The following PPFIA2 variants were observed in gnomAD, a reference collection of about 807,000 sequenced individuals.
PPFIA2 encodes the protein PPFI scaffold protein A2.
In PPFIA2, 46 loss-of-function variants were observed where a neutral mutation model predicts 175.5. The observed-to-expected ratio is 0.26, with a 90% CI of 0.21 to 0.34. PPFIA2 has a LOEUF of 0.34. PPFIA2 is among the 10% of genes least tolerant of loss of function. PPFIA2 has a pLI of 1.00. For missense variants in PPFIA2, 1,179 were observed against 1,506.1 expected, an observed-to-expected ratio of 0.78 and a Z score of 3.60; for synonymous variants, 568 against 511.4, an observed-to-expected ratio of 1.11 and a Z score of -1.49.
In PPFIA2 at chr12:81,604,204, A is replaced by G. The variant is rs560978059; in HGVS notation, c.303+72587T>C. On this transcript the variant is annotated intron_variant, in intron 4 of 32. Coordinates refer to ENST00000549396, the MANE Select transcript of PPFIA2 (RefSeq NM_003625.5). Reference sequence around the variant, plus strand: ...GTGACCATGGCAAAAGCAGGAGGTTAAAGGATTTCCAAAAAGAGAATCAAT... The same window carrying G: ...GTGACCATGGCAAAAGCAGGAGGTTGAAGGATTTCCAAAAAGAGAATCAAT... Among the ~76,000 whole-genome samples, 20 of 151,930 alleles carry G rather than the reference A, an allele frequency of 1.3e-4. No individual in the cohort carries two copies. In the South Asian group the frequency reaches 4.1e-3, roughly 31 times the overall value.
At chr12:81,536,317 T>G (rs1415578193) in intron 4 of PPFIA2, among the ~76,000 whole-genome samples, 1 of 151,698 alleles carries the variant, frequency 6.6e-6, no homozygotes, top group Non-Finnish European at 1.5e-5. Flanking sequence ...AACATACTCA[T>G]AAATACTTAA....
At chr12:81,352,562 G>A (rs574724419) in intron 17 of PPFIA2, among the ~76,000 whole-genome samples, 2 of 151,820 alleles carry the variant, frequency 1.3e-5, no homozygotes, top group South Asian at 2.1e-4. Context: ...GGACCTTCCA[G>A]CCTCTAAAAC....
At chr12:81,485,867 T>G (rs911034024) in intron 4 of PPFIA2, among the ~76,000 whole-genome samples, 5 of 151,854 alleles carry the variant, frequency 3.3e-5, no homozygotes, top group African/African-American at 4.8e-5. Flanking sequence ...GACATAATTT[T>G]TGGAACTAAA....
At chr12:81,570,743 T>C (rs2072376881) in intron 4 of PPFIA2, among the ~76,000 whole-genome samples, 1 of 149,284 alleles carries the variant, frequency 6.7e-6, no homozygotes, top group African/African-American at 2.4e-5. Context: ...TATCAATTAA[T>C]ATAATTTATA....
intron 4 of PPFIA2, among the ~76,000 whole-genome samples, chr12:81,647,617 C>T (rs2066322564): frequency 6.6e-6 from 1 of 150,834 alleles, no homozygotes; most frequent in South Asian, 2.1e-4. Flanking sequence ...AAAAATTAGC[C>T]GGGCGTGGTG....
intron 3 of PPFIA2, among the ~76,000 whole-genome samples, chr12:81,712,511 T>C (rs1029713569): frequency 2.6e-5 from 4 of 151,238 alleles, no homozygotes; most frequent in African/African-American, 9.7e-5. Context: ...AGCTCCTAAA[T>C]ATAAACTTAG....
chr12:81,431,186 T>A (rs932450396), intron 7 of PPFIA2: 3 of 152,228 alleles, frequency 2.0e-5, no homozygotes, highest in Non-Finnish European at 4.4e-5. Flanking sequence ...AGTCTGTCAA[T>A]TGAATTTTTA....
intron 8 of PPFIA2, among the ~76,000 whole-genome samples, chr12:81,401,333 T>G (rs142850439): frequency 1.1e-3 from 170 of 152,322 alleles, no homozygotes; most frequent in Non-Finnish European, 2.2e-3. Flanking sequence ...ATATAGTGTT[T>G]CTATTCTTAT....
intron 4 of PPFIA2, among the ~76,000 whole-genome samples, chr12:81,462,462 C>T (rs1284684164): frequency 1.4e-5 from 2 of 146,710 alleles, no homozygotes; most frequent in Non-Finnish European, 3.0e-5. Flanking sequence ...TTTCTCACTG[C>T]TTTAACCTTC....
chr12:81,592,219 C>T (rs962216360), intron 4 of PPFIA2, among the ~76,000 whole-genome samples: 1 of 152,064 alleles, frequency 6.6e-6, no homozygotes, highest in Non-Finnish European at 1.5e-5. Context: ...AATGCCTGTG[C>T]CCCCATGGTA....
intron 4 of PPFIA2, chr12:81,598,252 T>C (rs1360311161): frequency 8.4e-6 from 11 of 1,312,636 alleles, no homozygotes; most frequent in African/African-American, 1.5e-5. Context: ...TGAAGCTAGT[T>C]CTCTAGAACA....
intron 3 of PPFIA2, 69 bp downstream of exon 3, chr12:81,753,904 T>A: frequency 1.3e-6 from 2 of 1,550,672 alleles, no homozygotes; most frequent in Non-Finnish European, 1.8e-6. Context: ...ACATTAAGAA[T>A]GGGAGTAAAG....
At chr12:81,339,078 AGAAAT>A (rs2057602812) in intron 21 of PPFIA2, 97 bp downstream of exon 21, 1 of 1,108,916 alleles carries the variant, frequency 9.0e-7, no homozygotes, top group Non-Finnish European at 1.2e-6. Context: ...AGAAAAGAGA[AGAAAT>A]GAAAAGAAGA....
At chr12:81,721,346 T>G (rs1047121595) in intron 3 of PPFIA2, among the ~76,000 whole-genome samples, 4 of 151,358 alleles carry the variant, frequency 2.6e-5, no homozygotes, top group Non-Finnish European at 5.9e-5. Flanking sequence ...CTCAATGCAT[T>G]TATAAACTCC....
At chr12:81,287,117 T>G (rs1439906654) in intron 24 of PPFIA2, among the ~76,000 whole-genome samples, 1 of 151,914 alleles carries the variant, frequency 6.6e-6, no homozygotes, top group Non-Finnish European at 1.5e-5. Context: ...GTGGGTATAC[T>G]GTTGGTTCAA....
intron 4 of PPFIA2, among the ~76,000 whole-genome samples, chr12:81,481,417 A>G (rs2058203547): frequency 6.6e-6 from 1 of 152,212 alleles, no homozygotes; most frequent in Non-Finnish European, 1.5e-5. Context: ...GAACCAATAA[A>G]GAGCCCGCAT....
At chr12:81,424,639 C>T (rs748839778) in intron 7 of PPFIA2, among the ~76,000 whole-genome samples, 7 of 152,130 alleles carry the variant, frequency 4.6e-5, no homozygotes, top group African/African-American at 1.7e-4. Flanking sequence ...ATAGAGATTG[C>T]ATGTCCTGGT....
At chr12:81,610,029 T>C (rs1287593352) in intron 4 of PPFIA2, among the ~76,000 whole-genome samples, 4 of 152,180 alleles carry the variant, frequency 2.6e-5, no homozygotes, top group African/African-American at 9.7e-5. Flanking sequence ...CCTTCAATTA[T>C]GAAGCTTAGT....
intron 20 of PPFIA2, 24 bp downstream of exon 20, chr12:81,341,054 T>C (rs755823483): frequency 6.3e-7 from 1 of 1,592,824 alleles, no homozygotes; most frequent in Admixed American, 1.7e-5. Flanking sequence ...GCATTCAGTG[T>C]GCAGTGTGCC....
Sources: gnomAD v4.1 joint callset for allele counts (sites outside exome capture counted in the v4.1 genomes callset) on GRCh38, gnomAD v4.1.1 for gene constraint, MANE v1.5 for transcripts, NCBI Gene and HGNC (gene_info 2026-07-23, HGNC 2026-07-21) for gene names.